The following CYB5B variants were observed in gnomAD, a reference collection of about 807,000 sequenced individuals.
CYB5B encodes the protein cytochrome b5 type B.
In CYB5B, 14 loss-of-function variants were observed where a neutral mutation model predicts 21.3. The ratio of observed to expected loss-of-function variants is 0.66; its 90% CI spans 0.43 to 1.03. The LOEUF is 1.03. CYB5B is among the 50% of genes least tolerant of loss of function. CYB5B has a pLI of 0.00. For synonymous variants in CYB5B, 69 were observed against 68.4 expected (o/e 1.01, Z -0.04); for missense variants, 166 against 185.1 (o/e 0.90, Z 0.60).
Position 69,450,511 on chromosome 16 carries a change from G to C in CYB5B, c.333+2367G>C, listed in dbSNP as rs1482790781. 4.6e-5 allele frequency among the ~76,000 whole-genome samples: 7 copies of C among 152,226 alleles called. No individual in the cohort carries two copies. The East Asian group carries it at 1.4e-3, about 29-fold the overall frequency. ...CAGATCAGGCAAGAAAGGCCTTTTG[G>C]AACATTTTCAAGACCACCTACATAG... On this transcript the variant is annotated intron_variant, in intron 3 of 4. Transcript: ENST00000307892.
At chr16:69,437,868 T>A (rs1288520520) in intron 1 of CYB5B, among the ~76,000 whole-genome samples, 1 of 152,234 alleles carries the variant, frequency 6.6e-6, no homozygotes, top group East Asian at 1.9e-4. Flanking sequence ...TCAAATAATA[T>A]TTGTCATTTT....
At chr16:69,435,333 T>C (rs2014749890) in intron 1 of CYB5B, among the ~76,000 whole-genome samples, 1 of 152,234 alleles carries the variant, frequency 6.6e-6, no homozygotes, top group Admixed American at 6.5e-5. Flanking sequence ...CAAAATTGCA[T>C]TTAATACAAA....
intron 1 of CYB5B, among the ~76,000 whole-genome samples, chr16:69,442,648 C>G (rs532593851): frequency 1.3e-5 from 2 of 151,736 alleles, no homozygotes. Flanking sequence ...CCTGAGTAGC[C>G]AGGACTACAG....
Position 69,424,642 on chromosome 16 carries a change from G to A in CYB5B, c.-42G>A, listed in dbSNP as rs918964057. 4 of 1,503,288 alleles carry A rather than the reference G, an allele frequency of 2.7e-6. No homozygotes were observed. Among genetic ancestry groups the A allele is most frequent in the African/African-American group, 1.4e-5 (1 of 70,860 alleles). 93.1% of individuals were successfully genotyped at this position (1,503,288 alleles called of 1,614,324 possible). A position where few individuals can be genotyped will look rare whatever the true frequency, so the allele number is the denominator to read the frequency against. On this transcript the variant is annotated 5_prime_UTR_variant, in exon 1 of 5. Coordinates refer to ENST00000307892, the MANE Select transcript of CYB5B (RefSeq NM_030579.3). The stretch of plus-strand genomic sequence containing the variant: ...AGGAAGGCTGAGCGCGGGCTCTCAA[G>A]GAAAGTAGTCGCGGAATCTCAGTTA...
chr16:69,433,639 T>C (rs1028850467), intron 1 of CYB5B, among the ~76,000 whole-genome samples: 1 of 152,210 alleles, frequency 6.6e-6, no homozygotes, highest in Non-Finnish European at 1.5e-5. Context: ...GTCACATTTT[T>C]TTCTCTAAAT....
intron 3 of CYB5B, among the ~76,000 whole-genome samples, chr16:69,451,659 T>TA (rs920096853): frequency 4.0e-5 from 6 of 151,882 alleles, no homozygotes; most frequent in African/African-American, 1.2e-4. Flanking sequence ...CAGTATACTA[T>TA]AAAAAAAGTT....
chr16:69,452,393 T>C (rs1396298728), intron 3 of CYB5B, among the ~76,000 whole-genome samples: 1 of 152,060 alleles, frequency 6.6e-6, no homozygotes, highest in East Asian at 1.9e-4. Flanking sequence ...AAAAATTTTA[T>C]TTGTTGGCTG....
At chr16:69,428,379 G>A (rs72797174) in intron 1 of CYB5B, among the ~76,000 whole-genome samples, 3 of 152,162 alleles carry the variant, frequency 2.0e-5, no homozygotes, top group Non-Finnish European at 4.4e-5. Flanking sequence ...AATACAGGGG[G>A]CTGGACACGG....
At chr16:69,442,820 C>T (rs908821019) in intron 1 of CYB5B, among the ~76,000 whole-genome samples, 1 of 139,844 alleles carries the variant, frequency 7.2e-6, no homozygotes, top group African/African-American at 2.8e-5. Flanking sequence ...CTGTGCCTAG[C>T]TATCCTTTTT....
chr16:69,427,713 A>T (rs2014662690), intron 1 of CYB5B, among the ~76,000 whole-genome samples: 1 of 152,046 alleles, frequency 6.6e-6, no homozygotes, highest in African/African-American at 2.4e-5. Flanking sequence ...TTGGGGTCCC[A>T]CTGGCTGGGT....
At chr16:69,449,989 G>A (rs1391460501) in intron 3 of CYB5B, 1 of 152,304 alleles carries the variant, frequency 6.6e-6, no homozygotes, top group African/African-American at 2.4e-5. Context: ...GCTGAGATGG[G>A]AGGATGGCTT....
intron 3 of CYB5B, chr16:69,449,312 C>G (rs1348880219): frequency 6.6e-6 from 1 of 152,052 alleles, no homozygotes; most frequent in Non-Finnish European, 1.5e-5. Context: ...GGTAACCAGC[C>G]ATCATTTTTT....
intron 1 of CYB5B, among the ~76,000 whole-genome samples, chr16:69,441,573 A>C (rs545343959): frequency 6.6e-6 from 1 of 152,330 alleles, no homozygotes; most frequent in East Asian, 1.9e-4. Context: ...TTGATACAGA[A>C]ATGGTACCCT....
intron 4 of CYB5B, 156 bp downstream of exon 4, chr16:69,459,277 T>C: frequency 1.0e-6 from 1 of 974,270 alleles, no homozygotes; most frequent in South Asian, 2.2e-5. Flanking sequence ...TCCTTGACAT[T>C]AGAAAAATTA....
At chr16:69,435,762 C>G (rs751484371) in intron 1 of CYB5B, among the ~76,000 whole-genome samples, 62 of 152,176 alleles carry the variant, frequency 4.1e-4, no homozygotes, top group Non-Finnish European at 7.4e-4. Flanking sequence ...CTCAGCCTCC[C>G]GAGTACCTGG....
At chr16:69,454,711 T>C (rs374528069) in intron 3 of CYB5B, among the ~76,000 whole-genome samples, 1 of 152,198 alleles carries the variant, frequency 6.6e-6, no homozygotes, top group African/African-American at 2.4e-5. Context: ...TTGCCAAAGG[T>C]GTCCTGTGGC....
intron 3 of CYB5B, chr16:69,448,992 A>G (rs1459423603): frequency 3.9e-5 from 6 of 152,212 alleles, no homozygotes; most frequent in Non-Finnish European, 7.3e-5. Flanking sequence ...CAAGAATTCT[A>G]TTAACTCAAG....
chr16:69,436,959 T>C (rs1489360453), intron 1 of CYB5B, among the ~76,000 whole-genome samples: 1 of 152,224 alleles, frequency 6.6e-6, no homozygotes, highest in African/African-American at 2.4e-5. Flanking sequence ...TGTTGAAACA[T>C]AGATTTTCTG....
At chr16:69,435,073 T>C (rs1248725214) in intron 1 of CYB5B, among the ~76,000 whole-genome samples, 2 of 152,242 alleles carry the variant, frequency 1.3e-5, no homozygotes, top group East Asian at 3.9e-4. Flanking sequence ...TTCTAGTGGC[T>C]GGGTATTAGC....
Sources: allele counts gnomAD v4.1 joint callset (sites outside exome capture counted in the v4.1 genomes callset), GRCh38; gene constraint gnomAD v4.1.1; transcripts MANE v1.5; gene names NCBI Gene and HGNC (gene_info 2026-07-23, HGNC 2026-07-21).